The following DDO variants were observed in gnomAD, a reference collection of about 807,000 sequenced individuals.
DDO encodes D-aspartate oxidase, also known as D-aspartate oxidase, DDO.
DDO carries 16 observed loss-of-function variants against 16.8 expected under a neutral mutation model. That is an observed-to-expected ratio of 0.95 (90% confidence interval 0.65 to 1.45). DDO has a LOEUF of 1.45. DDO is among the 40% of genes most tolerant of loss of function. The pLI is 0.00. For missense variants in DDO, 429 were observed against 420.3 expected (o/e 1.02, Z -0.18); for synonymous variants, 180 against 167.2 (o/e 1.08, Z -0.59).
chr6:110,388,495 C>T (rs1773051302), downstream of DDO, among the ~76,000 whole-genome samples: 1 of 152,200 alleles, frequency 6.6e-6, no homozygotes, highest in South Asian at 2.1e-4. Flanking sequence ...GATTTGAATG[C>T]ATTATTCAAT....
Position 110,397,172 on chromosome 6 carries a change from A to G in DDO, c.459-3830T>C, listed in dbSNP as rs113168703. On this transcript the variant is annotated intron_variant, in intron 4 of 4. Coordinates refer to ENST00000368924, the MANE Select transcript of DDO (RefSeq NM_001372108.2). Reference sequence around the variant, plus strand: ...AATGAGACACATCTGGAAAAAGCATAACACTGTGTCTAACACACTATAGCT... The same window carrying G: ...AATGAGACACATCTGGAAAAAGCATGACACTGTGTCTAACACACTATAGCT... Among the ~76,000 whole-genome samples the G allele has an allele frequency of 3.4e-3, 511 of 152,318 alleles. 2 individuals carry two copies. Among genetic ancestry groups the G allele is most frequent in the Non-Finnish European group, 5.2e-3 (355 of 68,034 alleles).
At chr6:110,405,141 A>G (rs982882943) in intron 3 of DDO, among the ~76,000 whole-genome samples, 191 bp from the exon 4 acceptor site, 66 of 152,134 alleles carry the variant, frequency 4.3e-4, no homozygotes, top group African/African-American at 1.6e-3. Flanking sequence ...GGCTCAGGCA[A>G]TCCTCCCACC....
chr6:110,413,252 A>C (rs368258668), intron 2 of DDO, 39 bp downstream of exon 2: 50 of 1,598,942 alleles, frequency 3.1e-5, no homozygotes, highest in Non-Finnish European at 4.0e-5. Context: ...ATTCTATCTG[A>C]CATCTATTGT....
At position 110,391,839 on chromosome 6, in the gene DDO, A is replaced by G. The variant is rs1055301; in HGVS notation, c.*936T>C. On this transcript the variant is annotated 3_prime_UTR_variant, in exon 5 of 5. Transcript: ENST00000368924. ...GTGAGACACATTCCCCTCCTCCCCA[A>G]TACTTCTTAACAAACTGCGGAGTAC... is the stretch of plus-strand genomic sequence containing the variant. 0.47 allele frequency: 71,698 copies of G among 152,062 alleles called. 17,307 individuals carry two copies. Among genetic ancestry groups the G allele is most frequent in the African/African-American group, 0.55 (22,726 of 41,468 alleles). The allele number at this position is 152,062 out of a possible 1,614,324, so 9.4% of individuals were successfully genotyped here.
rs140929618 is a variant in DDO at position 110,392,926 on chromosome 6, G to C, written c.875C>G (p.Ala292Gly). The C allele has an allele frequency of 6.2e-7, 1 of 1,614,096 alleles. No homozygotes were observed. Residue 292 changes from alanine to glycine, a missense_variant, in exon 5 of 5, where the codon GCG becomes GGG. Transcript: ENST00000368924. ...TACAGGCAGCCTCTGTCCATCTCGC[G>C]CAAGGAGCTCTGTCTGCAGTCGCAC... ...PGVRLQTELL[A>G]RDGQRLPVVH...
At chr6:110,391,442 C>CGGGTTCAA (rs1773098722), downstream of DDO, among the ~76,000 whole-genome samples, 2 of 151,288 alleles carry the variant, frequency 1.3e-5, no homozygotes, top group South Asian at 4.2e-4. Flanking sequence ...CTCCGTCTCC[C>CGGGTTCAA]GGGTTCAAGT....
At chr6:110,403,709 TG>T (rs916062874) in intron 4 of DDO, among the ~76,000 whole-genome samples, 9 of 152,340 alleles carry the variant, frequency 5.9e-5, no homozygotes, top group African/African-American at 2.2e-4. Context: ...TCCTCCTTTC[TG>T]CTCCCATTCT....
intron 1 of DDO, among the ~76,000 whole-genome samples, chr6:110,414,459 G>A (rs1390896898): frequency 6.6e-6 from 1 of 152,230 alleles, no homozygotes; most frequent in Non-Finnish European, 1.5e-5. Flanking sequence ...TCATAAAGGG[G>A]GCTCCTTGGG....
intron 3 of DDO, among the ~76,000 whole-genome samples, chr6:110,407,613 A>G (rs1309915541): frequency 6.6e-6 from 1 of 152,218 alleles, no homozygotes; most frequent in East Asian, 1.9e-4. Flanking sequence ...ACATGCACCA[A>G]TGACATGTAT....
At chr6:110,401,784 T>C (rs984170898) in intron 4 of DDO, among the ~76,000 whole-genome samples, 2 of 152,204 alleles carry the variant, frequency 1.3e-5, no homozygotes, top group Non-Finnish European at 2.9e-5. Flanking sequence ...ACTACTTTCA[T>C]AGGAACTCGT....
intron 1 of DDO, among the ~76,000 whole-genome samples, chr6:110,415,133 G>C (rs911293302): frequency 6.6e-6 from 1 of 152,266 alleles, no homozygotes; most frequent in Admixed American, 6.5e-5. Flanking sequence ...TGAGGGAAGA[G>C]AAGGGAACGG....
chr6:110,393,905 T>C (rs961215006), intron 4 of DDO, among the ~76,000 whole-genome samples: 3 of 152,208 alleles, frequency 2.0e-5, no homozygotes, highest in Admixed American at 6.5e-5. Flanking sequence ...GTAATTACTA[T>C]ATTTTTTGGA....
At position 110,413,161 on chromosome 6, in the gene DDO, G is replaced by T. The variant is rs949582018; in HGVS notation, c.172+130C>A. Reference sequence around the variant, plus strand: ...CTGTCTCAAAAAAAGAGAAAAAGAGGAAAGGAAAAAGAAAAAAACCTGCAT... The same window carrying T: ...CTGTCTCAAAAAAAGAGAAAAAGAGTAAAGGAAAAAGAAAAAAACCTGCAT... On this transcript the variant is annotated intron_variant, in intron 2 of 4. Transcript: ENST00000368924. 14 of 1,066,648 alleles carry T rather than the reference G, an allele frequency of 1.3e-5. 1 individual carries two copies. Among genetic ancestry groups the T allele is most frequent in the Non-Finnish European group, 1.7e-5 (13 of 754,716 alleles). The allele number at this position is 1,066,648 out of a possible 1,614,324, so 66.1% of individuals were successfully genotyped here.
At chr6:110,403,193 T>C (rs1773538264) in intron 4 of DDO, among the ~76,000 whole-genome samples, 1 of 152,260 alleles carries the variant, frequency 6.6e-6, no homozygotes, top group Non-Finnish European at 1.5e-5. Flanking sequence ...CCATGCCTAA[T>C]AATTTCCACT....
chr6:110,408,342 C>A lies in DDO; in HGVS notation c.273G>T (p.Leu91Phe), dbSNP rs1773727110. The A allele has an allele frequency of 2.5e-6, 4 of 1,613,860 alleles. No homozygotes were observed. The highest frequency in any genetic ancestry group is 1.3e-5 in the African/African-American group (1 of 74,902). ...CAAATTTCTTCACTTACCCTGATAC[C>A]AAATGAACACCAGCATCTCCAGCTT... ...SAEAGDAGVH[L>F]VSGWQIFQST... is the part of the protein sequence containing the mutation. Residue 91 changes from leucine to phenylalanine, a missense_variant, in exon 3 of 5, where the codon TTG (leucine) becomes TTT (phenylalanine). Leu to Phe is a conservative substitution (Grantham distance 22, BLOSUM62 0). Coordinates refer to ENST00000368924, the MANE Select transcript of DDO (RefSeq NM_001372108.2).
intron 2 of DDO, among the ~76,000 whole-genome samples, chr6:110,411,616 G>A (rs1408877014): frequency 6.6e-6 from 1 of 152,068 alleles, no homozygotes; most frequent in East Asian, 1.9e-4. Flanking sequence ...ATAAAACTGA[G>A]TAAGTCTCCC....
intron 1 of DDO, among the ~76,000 whole-genome samples, chr6:110,413,763 T>A (rs1773943808): frequency 6.6e-6 from 1 of 152,174 alleles, no homozygotes; most frequent in Non-Finnish European, 1.5e-5. Flanking sequence ...TTTCTACTCA[T>A]TCTTCACCCT....
chr6:110,392,798 G>T lies in DDO; in HGVS notation c.1003C>A (p.Pro335Thr), dbSNP rs886671745. ...ATCTACAGGTTTGACTTGGGAATGG[G>T]GGTCCTGAGGGCATGGACACACTCG... ...VSECVHALRT[P>T]IPKSNL Residue 335 changes from proline to threonine, a missense_variant, in exon 5 of 5, where the codon CCC becomes ACC. Physicochemically the swap from Pro to Thr is conservative, Grantham distance 38. Transcript: ENST00000368924. The T allele has an allele frequency of 6.4e-7, 1 of 1,565,382 alleles. No individual in the cohort carries two copies. Among genetic ancestry groups the T allele is most frequent in the Non-Finnish European group, 8.7e-7 (1 of 1,154,798 alleles).
chr6:110,413,200 C>A, intron 2 of DDO, 91 bp downstream of exon 2: 1 of 1,458,920 alleles, frequency 6.9e-7, no homozygotes, highest in Non-Finnish European at 9.4e-7. Flanking sequence ...ACACTTACAC[C>A]TATAGCCAGC....
Sources: gnomAD v4.1 joint callset for allele counts (sites outside exome capture counted in the v4.1 genomes callset) on GRCh38, gnomAD v4.1.1 for gene constraint, MANE v1.5 for transcripts, NCBI Gene and HGNC (gene_info 2026-07-23, HGNC 2026-07-21) for gene names.